Variants in PEAK1 observed in about 807,000 individuals in gnomAD.
PEAK1 encodes the protein inactive tyrosine-protein kinase PEAK1.
PEAK1 carries 54 observed loss-of-function variants against 124.7 expected under a neutral mutation model. The observed-to-expected ratio is 0.43, with a 90% CI of 0.35 to 0.54. The LOEUF is 0.54. Among genes scored for constraint, PEAK1 ranks in the 20% least tolerant of loss-of-function variants. PEAK1 has a pLI of 0.01. For missense variants in PEAK1, 2,046 were observed against 2,134.5 expected (o/e 0.96, Z 0.82); for synonymous variants, 719 against 760.0 (o/e 0.95, Z 0.89).
At chr15:77,412,083 T>C (rs1473536865) in intron 1 of PEAK1, among the ~76,000 whole-genome samples, 5 of 152,182 alleles carry the variant, frequency 3.3e-5, no homozygotes, top group Admixed American at 6.5e-5. Flanking sequence ...ATCCACCCTA[T>C]AACCACACCT....
At chr15:77,369,361 A>T (rs1262900477) in intron 1 of PEAK1, among the ~76,000 whole-genome samples, 1 of 152,206 alleles carries the variant, frequency 6.6e-6, no homozygotes, top group East Asian at 1.9e-4. Context: ...CCCTTAGAAA[A>T]TACAACCTAT....
chr15:77,261,299 A>C (rs945727730), intron 5 of PEAK1, among the ~76,000 whole-genome samples: 4 of 152,230 alleles, frequency 2.6e-5, no homozygotes, highest in Admixed American at 6.5e-5. Flanking sequence ...TGAGAGAAGA[A>C]GGCTTCAGAC....
intron 9 of PEAK1, among the ~76,000 whole-genome samples, chr15:77,126,209 T>C (rs1029338806): frequency 1.3e-5 from 2 of 152,254 alleles, no homozygotes; most frequent in African/African-American, 4.8e-5. Flanking sequence ...ATGTTATTAG[T>C]ATTCTGCTAC....
chr15:77,250,341 G>A (rs537725716), intron 6 of PEAK1, among the ~76,000 whole-genome samples: 1 of 150,636 alleles, frequency 6.6e-6, no homozygotes, highest in Non-Finnish European at 1.5e-5. Flanking sequence ...CTGCTTCCTG[G>A]GTTCAAGCAA....
chr15:77,335,448 TC>T, intron 2 of PEAK1: 1 of 985,384 alleles, frequency 1.0e-6, no homozygotes, highest in East Asian at 1.1e-4. Flanking sequence ...AATACTGTTG[TC>T]TGTATTCTTA....
chr15:77,212,694 T>C (rs1386772404), intron 6 of PEAK1, among the ~76,000 whole-genome samples: 2 of 152,232 alleles, frequency 1.3e-5, no homozygotes, highest in East Asian at 1.9e-4. Flanking sequence ...CACTAAACTC[T>C]ATACTTGTAT....
At position 77,181,116 on chromosome 15, in the gene PEAK1, G is replaced by A. The variant is rs1234178114; in HGVS notation, c.811C>T (p.Arg271Cys). 1.9e-6 allele frequency: 3 copies of A among 1,614,194 alleles called. No individual in the cohort carries two copies. The highest frequency in any genetic ancestry group is 1.1e-5 in the South Asian group (1 of 91,086). Residue 271 changes from arginine to cysteine, a missense_variant, in exon 7 of 10, where the codon CGC (arginine) becomes TGC (cysteine). By Grantham distance (180) the Arg-to-Cys change is radical. Coordinates refer to ENST00000682557, the MANE Select transcript of PEAK1 (RefSeq NM_001385026.1). Reference sequence around the variant, plus strand: ...GTGTTTGCTCTGAAGTTGGCAAAGCGAGGTTGCCCTCTCATGCGAATCTCC... The same window carrying A: ...GTGTTTGCTCTGAAGTTGGCAAAGCAAGGTTGCCCTCTCATGCGAATCTCC... Reference protein sequence around the residue: ...AMEIRMRGQPRFANFRANTLS... With the variant: ...AMEIRMRGQPCFANFRANTLS...
At chr15:77,365,255 C>G in intron 1 of PEAK1, 30 bp from the exon 2 acceptor site, 1 of 930,930 alleles carries the variant, frequency 1.1e-6, no homozygotes, top group Non-Finnish European at 1.3e-6. Flanking sequence ...CAGAAAAAGA[C>G]ATGGTCAATA....
chr15:77,363,367 G>A (rs931248621), intron 2 of PEAK1, among the ~76,000 whole-genome samples: 6 of 152,138 alleles, frequency 3.9e-5, no homozygotes, highest in Non-Finnish European at 8.8e-5. Context: ...AGTCTCTGTG[G>A]CCTTTAACTG....
At chr15:77,382,181 G>A (rs888600398) in intron 1 of PEAK1, among the ~76,000 whole-genome samples, 3 of 152,094 alleles carry the variant, frequency 2.0e-5, no homozygotes, top group Non-Finnish European at 4.4e-5. Flanking sequence ...AATAGAAACA[G>A]CTAACAAATC....
chr15:77,322,834 A>G (rs2153020725), intron 2 of PEAK1, among the ~76,000 whole-genome samples: 1 of 152,330 alleles, frequency 6.6e-6, no homozygotes, highest in South Asian at 2.1e-4. Context: ...AACAACAAAA[A>G]AAGAATTTTA....
chr15:77,233,011 T>A (rs2059973513), intron 6 of PEAK1, among the ~76,000 whole-genome samples: 1 of 152,312 alleles, frequency 6.6e-6, no homozygotes, highest in South Asian at 2.1e-4. Flanking sequence ...CCTCCCAAAG[T>A]ACTGGGATTA....
At chr15:77,257,190 T>C (rs1231294030) in intron 5 of PEAK1, among the ~76,000 whole-genome samples, 2 of 152,114 alleles carry the variant, frequency 1.3e-5, no homozygotes, top group African/African-American at 4.8e-5. Flanking sequence ...TAAACATACG[T>C]GTGCATGTGT....
chr15:77,348,501 G>A lies in PEAK1; in HGVS notation c.-603+16662C>T, dbSNP rs2067008339. ...ACACAATGTAAACAATACTCAAGTT[G>A]AATATACAGGCCAAACTCCTTTATT... On this transcript the variant is annotated intron_variant, in intron 2 of 9. Transcript: ENST00000682557. 3 of 961,584 alleles carry A rather than the reference G, an allele frequency of 3.1e-6. No individual in the cohort carries two copies. The Admixed American group carries it at 1.8e-4, about 59-fold the overall frequency. The allele number at this position is 961,584 out of a possible 1,614,324, so 59.6% of individuals were successfully genotyped here. A position where few individuals can be genotyped will look rare whatever the true frequency, so the allele number is the denominator to read the frequency against.
chr15:77,128,929 A>G (rs928575852), intron 9 of PEAK1, among the ~76,000 whole-genome samples: 5 of 152,208 alleles, frequency 3.3e-5, no homozygotes, highest in Non-Finnish European at 5.9e-5. Flanking sequence ...AGATATTCTG[A>G]GGCAGGATGG....
intron 2 of PEAK1, among the ~76,000 whole-genome samples, chr15:77,311,702 A>AAG (rs1555477187): frequency 6.6e-6 from 1 of 150,582 alleles, no homozygotes; most frequent in African/African-American, 2.5e-5. Context: ...AAAAAAAAAA[A>AAG]AAAAGAAAAA....
At chr15:77,403,512 C>T in intron 1 of PEAK1, 1 of 963,682 alleles carries the variant, frequency 1.0e-6, no homozygotes, top group Non-Finnish European at 1.2e-6. Context: ...ACAAATCAAG[C>T]ACAGTAATAA....
intron 9 of PEAK1, among the ~76,000 whole-genome samples, chr15:77,131,086 A>G (rs1200986268): frequency 6.6e-6 from 1 of 152,226 alleles, no homozygotes; most frequent in Admixed American, 6.5e-5. Context: ...CTTGATGTCA[A>G]GAGTTTAGCT....
chr15:77,211,573 G>A (rs1312636137), intron 6 of PEAK1, among the ~76,000 whole-genome samples: 3 of 152,064 alleles, frequency 2.0e-5, no homozygotes, highest in Admixed American at 6.5e-5. Context: ...TGTAGGCCAG[G>A]CACGGCAGTT....
Sources: gnomAD v4.1 joint callset for allele counts (sites outside exome capture counted in the v4.1 genomes callset) on GRCh38, gnomAD v4.1.1 for gene constraint, MANE v1.5 for transcripts, NCBI Gene and HGNC (gene_info 2026-07-23, HGNC 2026-07-21) for gene names.